The following FHIT variants were observed in gnomAD, a reference collection of about 807,000 sequenced individuals.
FHIT encodes the protein bis(5'-adenosyl)-triphosphatase.
Under a neutral mutation model 17.9 loss-of-function variants are expected in FHIT, and 19 were observed. That is an observed-to-expected ratio of 1.06 (90% CI 0.74 to 1.56). FHIT has a LOEUF of 1.56. Ranked by LOEUF, FHIT falls within the 40% of genes most tolerant of loss-of-function variation. The pLI, the probability that FHIT is intolerant of heterozygous loss-of-function variation, is 0.00. For synonymous variants in FHIT, 81 were observed against 69.7 expected, an observed-to-expected ratio of 1.16 and a Z score of -0.81; for missense variants, 248 against 189.2, an observed-to-expected ratio of 1.31 and a Z score of -1.82.
At chr3:60,535,177 T>C (rs940685402) in intron 5 of FHIT, among the ~76,000 whole-genome samples, 14 of 152,160 alleles carry the variant, frequency 9.2e-5, no homozygotes, top group Admixed American at 6.5e-4. Flanking sequence ...TGAGCCAAGA[T>C]TGTGCCACTG....
chr3:60,037,390 CTTTT>C (rs35755244), intron 5 of FHIT, among the ~76,000 whole-genome samples: 3 of 133,712 alleles, frequency 2.2e-5, no homozygotes, highest in African/African-American at 5.5e-5. Context: ...CCAAGTCTTT[CTTTT>C]TTTTTTTTTT....
intron 5 of FHIT, among the ~76,000 whole-genome samples, chr3:60,507,512 C>A (rs1246777705): frequency 6.6e-6 from 1 of 152,134 alleles, no homozygotes; most frequent in Non-Finnish European, 1.5e-5. Context: ...ACAACAACAG[C>A]AGCAACAACA....
intron 5 of FHIT, among the ~76,000 whole-genome samples, chr3:60,023,923 A>G (rs148835995): frequency 4.6e-5 from 7 of 152,294 alleles, no homozygotes; most frequent in African/African-American, 1.7e-4. Context: ...GGGTTCTTAA[A>G]AGACCAGTGA....
intron 5 of FHIT, among the ~76,000 whole-genome samples, chr3:60,505,579 T>C (rs2034695110): frequency 6.6e-6 from 1 of 152,208 alleles, no homozygotes; most frequent in African/African-American, 2.4e-5. Flanking sequence ...TTTTCACCTT[T>C]GCTTCCCATC....
At chr3:60,976,510 TA>T (rs1287377407) in intron 3 of FHIT, among the ~76,000 whole-genome samples, 1 of 152,102 alleles carries the variant, frequency 6.6e-6, no homozygotes, top group Non-Finnish European at 1.5e-5. Flanking sequence ...CATGTCTCTA[TA>T]AAAAGGAATG....
chr3:61,173,703 T>C (rs1292237058), intron 2 of FHIT, among the ~76,000 whole-genome samples: 1 of 152,192 alleles, frequency 6.6e-6, no homozygotes, highest in Non-Finnish European at 1.5e-5. Context: ...AAAAGAAAAT[T>C]GAGGGATAAA....
chr3:60,507,790 C>A (rs1031741528), intron 5 of FHIT, among the ~76,000 whole-genome samples: 2 of 152,098 alleles, frequency 1.3e-5, no homozygotes, highest in Non-Finnish European at 2.9e-5. Flanking sequence ...TTTCCTGTTC[C>A]TGCATTAGTT....
chr3:59,797,787 A>AT (rs1345127464), intron 8 of FHIT, among the ~76,000 whole-genome samples: 23 of 152,252 alleles, frequency 1.5e-4, no homozygotes, highest in Admixed American at 3.9e-4. Context: ...GTTCCGTTGG[A>AT]TTTTTTCCGT....
At chr3:60,865,765 T>C (rs1704131849) in intron 3 of FHIT, among the ~76,000 whole-genome samples, 2 of 152,128 alleles carry the variant, frequency 1.3e-5, no homozygotes, top group Admixed American at 1.3e-4. Context: ...GTGACAAGGC[T>C]GAAGCAAAGA....
intron 3 of FHIT, among the ~76,000 whole-genome samples, chr3:60,829,556 G>A (rs556298370): frequency 8.5e-5 from 13 of 152,182 alleles, no homozygotes; most frequent in African/African-American, 2.9e-4. Context: ...TATTAGAAGA[G>A]GAGAAAAAAG....
chr3:60,563,103 G>A (rs1425642045), intron 4 of FHIT, among the ~76,000 whole-genome samples: 2 of 152,178 alleles, frequency 1.3e-5, no homozygotes, highest in Non-Finnish European at 2.9e-5. Context: ...GACTCTGGGT[G>A]CTGCAGAGAG....
chr3:60,271,268 T>A (rs1576399388), intron 5 of FHIT, among the ~76,000 whole-genome samples: 2 of 151,978 alleles, frequency 1.3e-5, no homozygotes, highest in Non-Finnish European at 2.9e-5. Context: ...CCAGGCATGG[T>A]GGCTCACATC....
intron 4 of FHIT, among the ~76,000 whole-genome samples, chr3:60,756,801 A>G (rs1699439640): frequency 1.3e-5 from 2 of 152,234 alleles, no homozygotes; most frequent in Admixed American, 1.3e-4. Context: ...TACCCAGCCA[A>G]TTAGTGGCTT....
intron 8 of FHIT, among the ~76,000 whole-genome samples, chr3:59,769,811 G>A (rs1701987530): frequency 6.7e-6 from 1 of 148,680 alleles, no homozygotes; most frequent in South Asian, 2.1e-4. Flanking sequence ...AACCCATTCT[G>A]CTATTTAGGA....
At chr3:61,181,688 A>G (rs1024427292) in intron 2 of FHIT, among the ~76,000 whole-genome samples, 2 of 152,326 alleles carry the variant, frequency 1.3e-5, no homozygotes, top group South Asian at 4.1e-4. Flanking sequence ...GTCTAATGCT[A>G]GCAAGCCCCT....
At chr3:60,183,282 C>T (rs1702019918) in intron 5 of FHIT, among the ~76,000 whole-genome samples, 1 of 152,094 alleles carries the variant, frequency 6.6e-6, no homozygotes, top group African/African-American at 2.4e-5. Context: ...CCTGTAATCC[C>T]AGCTACTTGG....
At chr3:61,176,966 G>A (rs994688723) in intron 2 of FHIT, among the ~76,000 whole-genome samples, 4 of 152,256 alleles carry the variant, frequency 2.6e-5, no homozygotes, top group African/African-American at 9.6e-5. Context: ...ACGAGGTAAG[G>A]AGATCGAGAC....
chr3:59,848,732 T>C (rs1423969831), intron 8 of FHIT, among the ~76,000 whole-genome samples: 1 of 152,190 alleles, frequency 6.6e-6, no homozygotes, highest in Non-Finnish European at 1.5e-5. Flanking sequence ...GGCACTTAGA[T>C]TGTCTGAGGA....
At chr3:60,926,467 C>A (rs1352904464) in intron 3 of FHIT, among the ~76,000 whole-genome samples, 1 of 152,052 alleles carries the variant, frequency 6.6e-6, no homozygotes, top group African/African-American at 2.4e-5. Context: ...CTGGGTACGT[C>A]GCGAAATGAA....
Sources: allele counts gnomAD v4.1 joint callset (sites outside exome capture counted in the v4.1 genomes callset), GRCh38; gene constraint gnomAD v4.1.1; transcripts MANE v1.5; gene names NCBI Gene and HGNC (gene_info 2026-07-23, HGNC 2026-07-21).